CADM1: variants seen among roughly 807,000 people sequenced by gnomAD.
CADM1 encodes TSLC-1.
CADM1 carries 15 observed loss-of-function variants against 53.1 expected under a neutral mutation model. The ratio of observed to expected loss-of-function variants is 0.28; its 90% CI spans 0.19 to 0.44. The LOEUF is 0.44. Ranked by LOEUF, CADM1 falls within the 20% of genes least tolerant of loss-of-function variation. The pLI is 1.00. For synonymous variants in CADM1, 281 were observed against 243.0 expected (o/e 1.16, Z -1.45); for missense variants, 434 against 611.3 (o/e 0.71, Z 3.06).
intron 1 of CADM1, among the ~76,000 whole-genome samples, chr11:115,291,526 C>A (rs938385241): frequency 6.6e-6 from 1 of 152,216 alleles, no homozygotes; most frequent in Admixed American, 6.5e-5. Context: ...CACCAATCCA[C>A]CCCGCAGCGC....
At chr11:115,308,211 T>TATATATAC (rs139012671) in intron 1 of CADM1, among the ~76,000 whole-genome samples, 2 of 139,420 alleles carry the variant, frequency 1.4e-5, no homozygotes, top group Non-Finnish European at 1.5e-5. Flanking sequence ...TATATATATA[T>TATATATAC]ACACACCTAT....
At chr11:115,217,053 T>G (rs544233429) in intron 6 of CADM1, among the ~76,000 whole-genome samples, 47 of 152,208 alleles carry the variant, frequency 3.1e-4, no homozygotes, top group Non-Finnish European at 5.9e-4. Context: ...AACATTGACC[T>G]ATTATTCCAT....
chr11:115,299,518 G>C (rs924696135), intron 1 of CADM1, among the ~76,000 whole-genome samples: 3 of 152,098 alleles, frequency 2.0e-5, no homozygotes, highest in African/African-American at 4.8e-5. Flanking sequence ...GGCAAGACCA[G>C]ACACCAATAC....
chr11:115,441,367 A>G (rs935990860), intron 1 of CADM1, among the ~76,000 whole-genome samples: 2 of 152,180 alleles, frequency 1.3e-5, no homozygotes, highest in African/African-American at 4.8e-5. Context: ...AGAGATATTG[A>G]ATATAAGACA....
At chr11:115,501,305 T>C (rs1949721035) in intron 1 of CADM1, among the ~76,000 whole-genome samples, 2 of 152,074 alleles carry the variant, frequency 1.3e-5, no homozygotes, top group East Asian at 1.9e-4. Context: ...AAGGCAACAA[T>C]AACAGGGCGG....
At chr11:115,242,787 A>G (rs1047750720) in intron 1 of CADM1, among the ~76,000 whole-genome samples, 1 of 152,168 alleles carries the variant, frequency 6.6e-6, no homozygotes, top group African/African-American at 2.4e-5. Context: ...AATCCTTTCA[A>G]CATAAACCAA....
intron 1 of CADM1, among the ~76,000 whole-genome samples, chr11:115,261,355 C>T (rs1256054092): frequency 6.6e-6 from 1 of 152,172 alleles, no homozygotes; most frequent in African/African-American, 2.4e-5. Flanking sequence ...TGTACCACTA[C>T]TTCTTAGAAT....
rs901884563 is a variant in CADM1 at position 115,187,649 on chromosome 11, C to T, written c.1165+3239G>A. Among the ~76,000 whole-genome samples, 5 of 152,150 alleles carry T rather than the reference C, an allele frequency of 3.3e-5. No individual in the cohort carries two copies. The East Asian group carries it at 7.7e-4, about 23-fold the overall frequency. On this transcript the variant is annotated intron_variant, in intron 10 of 11. Coordinates refer to ENST00000331581, the MANE Select transcript of CADM1 (RefSeq NM_001301043.2). ...AGAGATGGGGTTTTGCCATGTTGGC[C>T]AGGCTGGTCTCGAATTCCTGACCTC...
rs922819252 is a variant in CADM1, at chr11:115,238,846, G to A, written c.272-194C>T. Among the ~76,000 whole-genome samples, 13 of 152,058 alleles carry A rather than the reference G, an allele frequency of 8.5e-5. No individual in the cohort carries two copies. The East Asian group carries it at 1.2e-3, about 14-fold the overall frequency. ...TATCAGTGTATGTGTGAGTGTGTGT[G>A]TATGTGTGCGTGTGCATATATATAT... On this transcript the variant is annotated intron_variant, in intron 2 of 11. Coordinates refer to ENST00000331581, the MANE Select transcript of CADM1 (RefSeq NM_001301043.2).
At chr11:115,385,442 T>C (rs1591767588) in intron 1 of CADM1, among the ~76,000 whole-genome samples, 1 of 152,092 alleles carries the variant, frequency 6.6e-6, no homozygotes, top group Non-Finnish European at 1.5e-5. Flanking sequence ...AAACAATGCC[T>C]CCAGCCAGCC....
At chr11:115,264,502 C>T (rs1943072353) in intron 1 of CADM1, among the ~76,000 whole-genome samples, 1 of 152,168 alleles carries the variant, frequency 6.6e-6, no homozygotes, top group Non-Finnish European at 1.5e-5. Context: ...ATCTCAAGAC[C>T]ACAGAAAAAC....
rs976840058 is a variant in CADM1 at position 115,418,778 on chromosome 11, T to C, written c.124+85493A>G. Among the ~76,000 whole-genome samples, 21 of 152,076 alleles carry C rather than the reference T, an allele frequency of 1.4e-4. 3 individuals carry two copies. Among genetic ancestry groups the C allele is most frequent in the Admixed American group, 1.3e-3 (20 of 15,270 alleles). On this transcript the variant is annotated intron_variant, in intron 1 of 11. Coordinates refer to ENST00000331581, the MANE Select transcript of CADM1 (RefSeq NM_001301043.2). ...GGCCTTGACAATAGAATTGAAGAGA[T>C]TAGGGTTTAATTTACACAGAATGAC...
chr11:115,228,322 T>C (rs1390910767), intron 5 of CADM1, among the ~76,000 whole-genome samples: 2 of 152,198 alleles, frequency 1.3e-5, no homozygotes, highest in Admixed American at 1.3e-4. Context: ...CCTAGGAAAT[T>C]AATCCAATGA....
chr11:115,339,620 A>G (rs1945370178), intron 1 of CADM1, among the ~76,000 whole-genome samples: 1 of 152,202 alleles, frequency 6.6e-6, no homozygotes. Context: ...TGCAGAGTTT[A>G]GTTTTCATTT....
Position 115,344,402 on chromosome 11 carries a change from C to T in CADM1, c.125-103982G>A, listed in dbSNP as rs570882062. On this transcript the variant is annotated intron_variant, in intron 1 of 11. Transcript: ENST00000331581. Reference sequence around the variant, plus strand: ...GCTTAAATATCAGTAGTCTTTTACACCCTCCATAATTTACTGATTCTTAGT... The same window carrying T: ...GCTTAAATATCAGTAGTCTTTTACATCCTCCATAATTTACTGATTCTTAGT... 1.1e-4 allele frequency among the ~76,000 whole-genome samples: 17 copies of T among 152,208 alleles called. No homozygotes were observed. The South Asian group carries it at 3.3e-3, about 30-fold the overall frequency.
At chr11:115,400,579 A>T (rs1267296356) in intron 1 of CADM1, among the ~76,000 whole-genome samples, 3 of 134,414 alleles carry the variant, frequency 2.2e-5, no homozygotes, top group African/African-American at 6.1e-5. Context: ...TATATATATA[A>T]TATATATATA....
rs538156208 is a variant in CADM1, at chr11:115,445,582, G to T, written c.124+58689C>A. Among the ~76,000 whole-genome samples, 16 of 152,168 alleles carry T rather than the reference G, an allele frequency of 1.1e-4. No homozygotes were observed. The South Asian group carries it at 3.1e-3, about 30-fold the overall frequency. On this transcript the variant is annotated intron_variant, in intron 1 of 11. Transcript: ENST00000331581. Reference sequence around the variant, plus strand: ...TAAGGGGCCAGGTTCAGTGGCTCAGGCCTGTAATTCCAGCACTTTGGGAGA... The same window carrying T: ...TAAGGGGCCAGGTTCAGTGGCTCAGTCCTGTAATTCCAGCACTTTGGGAGA...
intron 1 of CADM1, among the ~76,000 whole-genome samples, chr11:115,363,154 C>T (rs1207676614): frequency 2.0e-5 from 3 of 152,188 alleles, no homozygotes; most frequent in Non-Finnish European, 2.9e-5. Flanking sequence ...CTCAAAGTTC[C>T]TTTGGCCCCA....
intron 1 of CADM1, among the ~76,000 whole-genome samples, chr11:115,390,587 A>G (rs978947533): frequency 1.3e-5 from 2 of 151,868 alleles, no homozygotes; most frequent in African/African-American, 4.8e-5. Context: ...GTTAACTGAA[A>G]GGCTGAAAGG....
Sources: allele counts gnomAD v4.1 joint callset (sites outside exome capture counted in the v4.1 genomes callset), GRCh38; gene constraint gnomAD v4.1.1; transcripts MANE v1.5; gene names NCBI Gene and HGNC (gene_info 2026-07-23, HGNC 2026-07-21).